The following OR1L6 variants were observed in gnomAD, a reference collection of about 807,000 sequenced individuals.
OR1L6 encodes the protein olfactory receptor family 1 subfamily L member 6, also known as olfactory receptor 1L6.
In OR1L6, 2 loss-of-function variants were observed where a neutral mutation model predicts 3.0. The ratio of observed to expected loss-of-function variants is 0.68; its 90% CI spans 0.28 to 2.13. The LOEUF (loss-of-function observed/expected upper bound fraction) is 2.13. Ranked by LOEUF, OR1L6 falls within the 30% of genes most tolerant of loss-of-function variation. The pLI is 0.14. For synonymous variants in OR1L6, 121 were observed against 148.4 expected (o/e 0.82, Z 1.34); for missense variants, 304 against 378.4 (o/e 0.80, Z 1.63).
chr9:122,745,012 G>A (rs1828821453), intron 1 of OR1L6, among the ~76,000 whole-genome samples: 1 of 152,190 alleles, frequency 6.6e-6, no homozygotes, highest in African/African-American at 2.4e-5. Flanking sequence ...TCCCAGGGGT[G>A]AAGCTAAAAG....
intron 1 of OR1L6, among the ~76,000 whole-genome samples, chr9:122,748,745 A>G (rs975469923): frequency 2.0e-5 from 3 of 152,098 alleles, no homozygotes; most frequent in Admixed American, 1.3e-4. Context: ...GATCCTATGT[A>G]TATATTTGTG....
At chr9:122,748,935 G>T (rs532099766) in intron 1 of OR1L6, among the ~76,000 whole-genome samples, 3 of 149,644 alleles carry the variant, frequency 2.0e-5, no homozygotes, top group African/African-American at 7.3e-5. Flanking sequence ...GTATTCCATT[G>T]TGTGTGTGTG....
At position 122,744,822 on chromosome 9, in the gene OR1L6, T is replaced by C. The variant is rs1290325244; in HGVS notation, c.-14+2449T>C. The stretch of plus-strand genomic sequence containing the variant: ...CACACAAGCATACATGTGTGCACCA[T>C]CATCTATTTGGAAGTGAAATGACTT... On this transcript the variant is annotated intron_variant, in intron 1 of 1. Transcript: ENST00000304720. Among the ~76,000 whole-genome samples, 5 of 152,172 alleles carry C rather than the reference T, an allele frequency of 3.3e-5. No homozygotes were observed. The East Asian group carries it at 9.6e-4, about 29-fold the overall frequency.
At chr9:122,749,390 G>A (rs1828866963) in intron 1 of OR1L6, among the ~76,000 whole-genome samples, 1 of 152,186 alleles carries the variant, frequency 6.6e-6, no homozygotes, top group African/African-American at 2.4e-5. Context: ...CCATGAGCAT[G>A]GAATGGAAAA....
Position 122,750,446 on chromosome 9 carries a change from T to C in OR1L6, c.599T>C (p.Val200Ala), listed in dbSNP as rs1828882437. ...GACACATCCTCCAGCCAGATGGTGG[T>C]GATGACTGAGACCTTAGCTGTCATT... ...CSDTSSSQMV[V>A]MTETLAVIVT... is the part of the protein sequence containing the mutation. Residue 200 changes from valine (V) to alanine (A), a missense_variant, in exon 2 of 2, where the codon GTG becomes GCG. Physicochemically the swap from Val to Ala is moderately conservative, Grantham distance 64. This residue lies in a region of OR1L6 where 21 missense variants were observed against 47.9 expected (regional missense o/e 0.44). Transcript: ENST00000304720. 1.9e-6 allele frequency: 3 copies of C among 1,580,476 alleles called. No homozygotes were observed. Among genetic ancestry groups the C allele is most frequent in the South Asian group, 1.1e-5 (1 of 89,652 alleles).
intron 1 of OR1L6, among the ~76,000 whole-genome samples, chr9:122,742,961 A>C (rs1828804554): frequency 6.6e-6 from 1 of 152,172 alleles, no homozygotes; most frequent in African/African-American, 2.4e-5. Flanking sequence ...CTCTAGAATC[A>C]CGGAAATTGA....
intron 1 of OR1L6, among the ~76,000 whole-genome samples, chr9:122,743,593 A>G (rs1240617509): frequency 6.6e-6 from 1 of 152,220 alleles, no homozygotes; most frequent in Non-Finnish European, 1.5e-5. Context: ...GAGAAAAGAC[A>G]GTAAGCAAGA....
At chr9:122,744,846 T>C (rs1828819037) in intron 1 of OR1L6, among the ~76,000 whole-genome samples, 2 of 152,210 alleles carry the variant, frequency 1.3e-5, no homozygotes, top group African/African-American at 2.4e-5. Context: ...GTGAAATGAC[T>C]TGCCCGAGGC....
chr9:122,747,682 G>A (rs1009627978), intron 1 of OR1L6, among the ~76,000 whole-genome samples: 1 of 151,806 alleles, frequency 6.6e-6, no homozygotes, highest in Non-Finnish European at 1.5e-5. Flanking sequence ...ACTGTCAATT[G>A]AAATGTTTTC....
At position 122,743,350 on chromosome 9, in the gene OR1L6, CAGA is replaced by C. The variant is rs374365230; in HGVS notation, c.-14+982_-14+984del. ...ATTGATCTGAGGGACCTACAGTGCCCAGAAGAACTTTCAACCTAAACTAAGTAG... is the reference window on the plus strand; with the variant it reads ...ATTGATCTGAGGGACCTACAGTGCCCAGAACTTTCAACCTAAACTAAGTAG... On this transcript the variant is annotated intron_variant, in intron 1 of 1. Coordinates refer to ENST00000304720, the MANE Select transcript of OR1L6 (RefSeq NM_001004453.3). Among the ~76,000 whole-genome samples, 7 of 152,236 alleles carry C rather than the reference CAGA, an allele frequency of 4.6e-5. 1 individual carries two copies. The highest frequency in any genetic ancestry group is 1.7e-4 in the African/African-American group (7 of 41,526).
chr9:122,750,403 C>T lies in OR1L6; in HGVS notation c.556C>T (p.Leu186=). 6.2e-7 allele frequency: 1 copy of T among 1,609,824 alleles called. No individual in the cohort carries two copies. Among genetic ancestry groups the T allele is most frequent in the Non-Finnish European group, 8.5e-7 (1 of 1,177,474 alleles). Residue 186 remains leucine (L), a synonymous_variant, in exon 2 of 2, where the codon CTA becomes TTA. Coordinates refer to ENST00000304720, the MANE Select transcript of OR1L6 (RefSeq NM_001004453.3). The part of the protein sequence containing the change: ...KHFFCDTQPV[L]KLSCSDTSSS... ...CTTTTTCTGTGACACCCAGCCTGTG[C>T]TAAAGCTCTCCTGCTCTGACACATC... is the stretch of plus-strand genomic sequence containing the variant.
At chr9:122,745,746 A>G (rs1372917892) in intron 1 of OR1L6, among the ~76,000 whole-genome samples, 1 of 152,120 alleles carries the variant, frequency 6.6e-6, no homozygotes, top group African/African-American at 2.4e-5. Context: ...AGACAATACA[A>G]TATAAAGTTA....
At chr9:122,743,731 C>T (rs570856492) in intron 1 of OR1L6, among the ~76,000 whole-genome samples, 1 of 152,178 alleles carries the variant, frequency 6.6e-6, no homozygotes, top group Middle Eastern at 3.2e-3. Flanking sequence ...TAAGTCATAG[C>T]CTGTCATCTC....
At chr9:122,747,482 T>A (rs553932168) in intron 1 of OR1L6, among the ~76,000 whole-genome samples, 1 of 152,054 alleles carries the variant, frequency 6.6e-6, no homozygotes, top group Non-Finnish European at 1.5e-5. Context: ...AAAATTCCCC[T>A]GGGGTCTTAT....
Position 122,750,189 on chromosome 9 carries a change from C to G in OR1L6, c.342C>G (p.Tyr114Ter). ...FFMAFGNTDS[Y>*]LLASMAIDRL... ...TGGCATTTGGGAACACTGACAGCTA[C>G]CTGCTGGCCTCTATGGCCATCGACC... Residue 114 changes from tyrosine (Y) to a stop codon, truncating the protein, a stop_gained, in exon 2 of 2, where the codon TAC becomes TAG. Transcript: ENST00000304720. LOFTEE classifies it high-confidence loss of function. 1 of 1,613,984 alleles carries G rather than the reference C, an allele frequency of 6.2e-7. No individual in the cohort carries two copies. Among genetic ancestry groups the G allele is most frequent in the Non-Finnish European group, 8.5e-7 (1 of 1,179,932 alleles).
At chr9:122,744,318 C>T (rs981287667) in intron 1 of OR1L6, among the ~76,000 whole-genome samples, 1 of 152,126 alleles carries the variant, frequency 6.6e-6, no homozygotes, top group Non-Finnish European at 1.5e-5. Context: ...TGTGTACTCC[C>T]CGGTTTCATT....
chr9:122,745,500 C>A (rs1191701439), intron 1 of OR1L6, among the ~76,000 whole-genome samples: 1 of 147,990 alleles, frequency 6.8e-6, no homozygotes, highest in Non-Finnish European at 1.5e-5. Context: ...GCAAGCTCCG[C>A]CTCCCAGGTT....
At position 122,750,360 on chromosome 9, in the gene OR1L6, C is replaced by T; in HGVS notation, c.513C>T (p.Ala171=). 1 of 1,613,536 alleles carries T rather than the reference C, an allele frequency of 6.2e-7. No individual in the cohort carries two copies. Among genetic ancestry groups the T allele is most frequent in the African/African-American group, 1.3e-5 (1 of 74,934 alleles). The change falls in exon 2 of 2, where the codon GCC becomes GCT. Residue 171 remains alanine (A), a synonymous_variant. Coordinates refer to ENST00000304720, the MANE Select transcript of OR1L6 (RefSeq NM_001004453.3). The stretch of plus-strand genomic sequence containing the variant: ...TTATGTCTCGCTTGTCTTTCTGTGC[C>T]TCTCACATCATTAAGCACTTTTTCT... ...VLLMSRLSFC[A]SHIIKHFFCD...
chr9:122,748,721 A>G (rs1424603950), intron 1 of OR1L6, among the ~76,000 whole-genome samples: 2 of 152,116 alleles, frequency 1.3e-5, no homozygotes, highest in Admixed American at 6.5e-5. Context: ...ATTATCCATC[A>G]TTCCACTCAC....
Sources: gnomAD v4.1 joint callset for allele counts (sites outside exome capture counted in the v4.1 genomes callset) on GRCh38, gnomAD v4.1.1 for gene constraint, gnomAD v4.1.1 regional missense constraint, MANE v1.5 for transcripts, NCBI Gene and HGNC (gene_info 2026-07-23, HGNC 2026-07-21) for gene names.